RANBP2: variants seen among roughly 807,000 people sequenced by gnomAD.
RANBP2 encodes the protein RAN binding protein 2.
In RANBP2, 57 loss-of-function variants were observed where a neutral mutation model predicts 303.6. The ratio of observed to expected loss-of-function variants is 0.19; its 90% CI spans 0.15 to 0.23. RANBP2 has a LOEUF of 0.23. Ranked by LOEUF, RANBP2 falls within the 10% of genes least tolerant of loss-of-function variation. The pLI, the probability that RANBP2 is intolerant of heterozygous loss-of-function variation, is 1.00. For synonymous variants in RANBP2, 1,167 were observed against 1,301.5 expected (o/e 0.90, Z 2.23); for missense variants, 3,138 against 3,780.8 (o/e 0.83, Z 4.46).
the RANBP2 span, among the ~76,000 whole-genome samples, chr2:108,961,462 C>T: frequency 0.011 from 1,612 of 152,272 alleles, 35 homozygotes; most frequent in African/African-American, 0.037. Flanking sequence ...TCCTTGGCTG[C>T]CCTGCCCTGC....
chr2:109,610,498 T>C, the RANBP2 span, among the ~76,000 whole-genome samples: 3 of 152,178 alleles, frequency 2.0e-5, no homozygotes, highest in Non-Finnish European at 4.4e-5. Flanking sequence ...GTGGATCACC[T>C]GAGGTTGGGA....
chr2:108,956,282 C>G, the RANBP2 span, among the ~76,000 whole-genome samples: 1 of 152,166 alleles, frequency 6.6e-6, no homozygotes, highest in South Asian at 2.1e-4. Context: ...TGGAGATACC[C>G]TTTTTATACA....
the RANBP2 span, chr2:109,347,682 C>G: frequency 6.2e-7 from 1 of 1,613,316 alleles, no homozygotes; most frequent in Non-Finnish European, 8.5e-7. Context: ...AGAATCCCTG[C>G]CTGCTTCCCT....
At chr2:108,837,350 T>C in the RANBP2 span, among the ~76,000 whole-genome samples, 1 of 152,232 alleles carries the variant, frequency 6.6e-6, no homozygotes, top group African/African-American at 2.4e-5. Flanking sequence ...TTTTTAAAAA[T>C]GTTGAACCGT....
In RANBP2 at chr2:108,740,612, G is replaced by A; in HGVS notation, c.906G>A (p.Gln302=). The A allele has an allele frequency of 6.3e-7, 1 of 1,597,532 alleles. No homozygotes were observed. Among genetic ancestry groups the A allele is most frequent in the Non-Finnish European group, 8.5e-7 (1 of 1,179,774 alleles). The stretch of plus-strand genomic sequence containing the variant: ...GTTCTCTGCTTTTGAAGATGGGTCA[G>A]CATAGTAGTAATGTTCAATGGCGAG... ...HAGSLLLKMG[Q]HSSNVQWRAL... The change falls in exon 7 of 29, where the codon CAG becomes CAA. Residue 302 remains glutamine (Q), a synonymous_variant. Transcript: ENST00000283195.
the RANBP2 span, among the ~76,000 whole-genome samples, chr2:109,362,277 G>A: frequency 6.6e-6 from 1 of 152,044 alleles, no homozygotes; most frequent in Non-Finnish European, 1.5e-5. Flanking sequence ...TTTTTATTTA[G>A]TTCAAAATAT....
At chr2:109,204,403 C>G in the RANBP2 span, among the ~76,000 whole-genome samples, 157 of 152,358 alleles carry the variant, frequency 1.0e-3, 1 homozygote, top group African/African-American at 3.5e-3. Context: ...AGTTCACATT[C>G]AGGTTTTCCT....
At chr2:109,051,386 TGTTTAGCCAATA>T in the RANBP2 span, among the ~76,000 whole-genome samples, 1 of 152,202 alleles carries the variant, frequency 6.6e-6, no homozygotes, top group Non-Finnish European at 1.5e-5. Flanking sequence ...TTGATCAAAA[TGTTTAGCCAATA>T]AAAACAGTTC....
chr2:109,524,888 C>G, the RANBP2 span, among the ~76,000 whole-genome samples: 1 of 151,966 alleles, frequency 6.6e-6, no homozygotes, highest in Non-Finnish European at 1.5e-5. Context: ...AAGAAGGAAA[C>G]AAATGGCACA....
the RANBP2 span, among the ~76,000 whole-genome samples, chr2:109,005,854 G>A: frequency 3.5e-4 from 53 of 152,292 alleles, no homozygotes; most frequent in East Asian, 9.5e-3. Flanking sequence ...AACAGCTGAC[G>A]TCGTTCTCAA....
the RANBP2 span, among the ~76,000 whole-genome samples, chr2:108,958,141 C>A: frequency 6.6e-6 from 1 of 152,118 alleles, no homozygotes; most frequent in African/African-American, 2.4e-5. Context: ...CCTCCAGGCC[C>A]AGGAGAAAGA....
chr2:109,290,561 G>A, the RANBP2 span, among the ~76,000 whole-genome samples: 2 of 152,126 alleles, frequency 1.3e-5, no homozygotes, highest in African/African-American at 4.8e-5. Context: ...CTATCCTTTG[G>A]CCCGCCCAAT....
the RANBP2 span, among the ~76,000 whole-genome samples, chr2:109,621,656 G>A: frequency 6.6e-6 from 1 of 152,104 alleles, no homozygotes; most frequent in African/African-American, 2.4e-5. Context: ...GCCTACACCT[G>A]TAATCCCAGC....
chr2:109,044,117 C>T, the RANBP2 span, among the ~76,000 whole-genome samples: 1 of 152,040 alleles, frequency 6.6e-6, no homozygotes, highest in Non-Finnish European at 1.5e-5. Flanking sequence ...CTTAGAAGAC[C>T]TTTATATAAT....
chr2:109,136,705 T>C, the RANBP2 span, among the ~76,000 whole-genome samples: 5 of 152,164 alleles, frequency 3.3e-5, no homozygotes, highest in African/African-American at 9.7e-5. Flanking sequence ...AACGAAGATA[T>C]GATGGTATTT....
At chr2:109,319,293 T>A in the RANBP2 span, among the ~76,000 whole-genome samples, 2 of 152,232 alleles carry the variant, frequency 1.3e-5, no homozygotes, top group Admixed American at 1.3e-4. Context: ...CATCGTGATA[T>A]GAACTCTACA....
chr2:109,006,066 C>T, the RANBP2 span, among the ~76,000 whole-genome samples: 1 of 152,152 alleles, frequency 6.6e-6, no homozygotes, highest in Non-Finnish European at 1.5e-5. Context: ...ATTGGCCCAC[C>T]GGCAGTCACG....
intron 1 of RANBP2, among the ~76,000 whole-genome samples, chr2:108,723,891 A>G (rs1694484286): frequency 7.9e-6 from 1 of 125,900 alleles, no homozygotes; most frequent in Non-Finnish European, 1.6e-5. Context: ...GCAGCTTAAA[A>G]CATTGATTGA....
At chr2:109,229,062 G>A in the RANBP2 span, among the ~76,000 whole-genome samples, 12 of 152,260 alleles carry the variant, frequency 7.9e-5, no homozygotes, top group South Asian at 2.1e-4. Context: ...CAAGGGATTA[G>A]GAGCTCTGTG....
Sources: gnomAD v4.1 joint callset for allele counts (sites outside exome capture counted in the v4.1 genomes callset) on GRCh38, gnomAD v4.1.1 for gene constraint, MANE v1.5 for transcripts, NCBI Gene and HGNC (gene_info 2026-07-23, HGNC 2026-07-21) for gene names.